PRKAG2: variants seen among roughly 807,000 people sequenced by gnomAD.
PRKAG2 encodes protein kinase AMP-activated non-catalytic subunit gamma 2.
In PRKAG2, 26 loss-of-function variants were observed where a neutral mutation model predicts 69.6. The ratio of observed to expected loss-of-function variants is 0.37; its 90% CI spans 0.27 to 0.52. PRKAG2 has a LOEUF of 0.52. PRKAG2 is among the 20% of genes least tolerant of loss of function. PRKAG2 has a pLI of 0.90. For synonymous variants in PRKAG2, 293 were observed against 285.0 expected (o/e 1.03, Z -0.28); for missense variants, 557 against 740.0 (o/e 0.75, Z 2.87).
At position 151,712,027 on chromosome 7, in the gene PRKAG2, G is replaced by A. The variant is rs552996784; in HGVS notation, c.467-36390C>T. Among the ~76,000 whole-genome samples, 3 of 152,348 alleles carry A rather than the reference G, an allele frequency of 2.0e-5. No individual in the cohort carries two copies. The East Asian group carries it at 5.8e-4, about 29-fold the overall frequency. ...GGGCTGTGTCTCGGGTGATGGAGGAGGTGTACAGATCCCATGTCAGGGTGT... is the reference window on the plus strand; with the variant it reads ...GGGCTGTGTCTCGGGTGATGGAGGAAGTGTACAGATCCCATGTCAGGGTGT... On this transcript the variant is annotated intron_variant, in intron 3 of 15. Coordinates refer to ENST00000287878, the MANE Select transcript of PRKAG2 (RefSeq NM_016203.4).
chr7:151,563,984 C>T (rs757821790), intron 14 of PRKAG2, 94 bp downstream of exon 14: 20 of 1,574,282 alleles, frequency 1.3e-5, no homozygotes, highest in Non-Finnish European at 1.7e-5. Flanking sequence ...CTCGCTGGGC[C>T]CTTCCTGAGA....
intron 3 of PRKAG2, among the ~76,000 whole-genome samples, chr7:151,779,689 A>C (rs1319058856): frequency 6.6e-6 from 1 of 152,214 alleles, no homozygotes; most frequent in Non-Finnish European, 1.5e-5. Context: ...GAGCCCTTGA[A>C]GGCAGGAATC....
rs1046511059 is a variant in PRKAG2 at position 151,839,370 on chromosome 7, G to A, written c.114+37137C>T. ...TCGTGCTGGTTTGCAGCTCAGAAGC[G>A]GTCCGCAGCCCCTGCCGTCCAGCCC... is the stretch of plus-strand genomic sequence containing the variant. On this transcript the variant is annotated intron_variant, in intron 1 of 15. Transcript: ENST00000287878. Among the ~76,000 whole-genome samples, 7 of 152,154 alleles carry A rather than the reference G, an allele frequency of 4.6e-5. No individual in the cohort carries two copies. In the South Asian group the frequency reaches 8.3e-4, roughly 18 times the overall value.
intron 3 of PRKAG2, among the ~76,000 whole-genome samples, chr7:151,724,721 G>A (rs983553337): frequency 5.9e-5 from 9 of 152,184 alleles, no homozygotes; most frequent in Non-Finnish European, 1.0e-4. Context: ...CGGAGCAGCC[G>A]CTTGCCCGCC....
chr7:151,757,405 C>A (rs138567489), intron 3 of PRKAG2, among the ~76,000 whole-genome samples: 3 of 152,324 alleles, frequency 2.0e-5, no homozygotes, highest in African/African-American at 7.2e-5. Flanking sequence ...CAGCTCCCAG[C>A]ACAGATCCTC....
At chr7:151,717,982 C>T (rs1315090210) in intron 3 of PRKAG2, among the ~76,000 whole-genome samples, 1 of 152,140 alleles carries the variant, frequency 6.6e-6, no homozygotes, top group Non-Finnish European at 1.5e-5. Flanking sequence ...CTATGCCTGA[C>T]CTTGGGAGTG....
intron 4 of PRKAG2, among the ~76,000 whole-genome samples, chr7:151,633,782 A>C (rs954063063): frequency 1.3e-5 from 2 of 152,238 alleles, no homozygotes; most frequent in African/African-American, 4.8e-5. Flanking sequence ...CTGAGCTGGA[A>C]GCCCCAACAT....
intron 1 of PRKAG2, 34 bp downstream of exon 1, chr7:151,876,473 G>A (rs201192542): frequency 1.9e-6 from 3 of 1,576,300 alleles, no homozygotes; most frequent in East Asian, 2.2e-5. Flanking sequence ...CGACAGGAGG[G>A]CTGGGGAGCA....
At position 151,777,523 on chromosome 7, in the gene PRKAG2, C is replaced by T. The variant is rs1405300140; in HGVS notation, c.466+3629G>A. ...TGCTTTAAAGACTCCAGTACCTCCC[C>T]CCTCTCTCTTGCTCCCTTGCGTGTG... On this transcript the variant is annotated intron_variant, in intron 3 of 15. Transcript: ENST00000287878. The surrounding 1 kb of genome is among the most constrained non-coding windows in gnomAD (Gnocchi z 4.3). 3.9e-5 allele frequency among the ~76,000 whole-genome samples: 6 copies of T among 152,156 alleles called. No homozygotes were observed. The highest frequency in any genetic ancestry group is 6.5e-5 in the Admixed American group (1 of 15,282).
chr7:151,712,246 G>A (rs540732936), intron 3 of PRKAG2, among the ~76,000 whole-genome samples: 220 of 152,288 alleles, frequency 1.4e-3, no homozygotes, highest in Admixed American at 4.3e-3. Flanking sequence ...ACAATGGGAC[G>A]GGCTCAGGCT....
chr7:151,617,438 C>T (rs1306926668), intron 5 of PRKAG2, among the ~76,000 whole-genome samples: 1 of 151,954 alleles, frequency 6.6e-6, no homozygotes, highest in Non-Finnish European at 1.5e-5. Flanking sequence ...GGAATTGATG[C>T]ATTGAAGGTG....
chr7:151,622,263 G>C (rs1563279101), intron 5 of PRKAG2, among the ~76,000 whole-genome samples: 1 of 152,200 alleles, frequency 6.6e-6, no homozygotes, highest in Non-Finnish European at 1.5e-5. Flanking sequence ...AACTCACAAT[G>C]AAACACTGGA....
chr7:151,856,522 A>G (rs1176442694), intron 1 of PRKAG2, among the ~76,000 whole-genome samples: 1 of 152,244 alleles, frequency 6.6e-6, no homozygotes, highest in Non-Finnish European at 1.5e-5. Flanking sequence ...ACCGGGTTCA[A>G]TTGGCCTCGC....
At chr7:151,730,943 T>C (rs1423027942) in intron 3 of PRKAG2, among the ~76,000 whole-genome samples, 8 of 152,164 alleles carry the variant, frequency 5.3e-5, no homozygotes, top group African/African-American at 1.9e-4. Flanking sequence ...TCTCCGGTCT[T>C]ACTGGGACCC....
At chr7:151,604,964 A>AT (rs1207111418) in intron 5 of PRKAG2, among the ~76,000 whole-genome samples, 1 of 152,188 alleles carries the variant, frequency 6.6e-6, no homozygotes, top group Non-Finnish European at 1.5e-5. Context: ...GATCTACGAC[A>AT]TTTTTTAAAA....
At chr7:151,573,804 A>G (rs984830031) in intron 8 of PRKAG2, among the ~76,000 whole-genome samples, 1 of 152,068 alleles carries the variant, frequency 6.6e-6, no homozygotes, top group Non-Finnish European at 1.5e-5. Flanking sequence ...TCGGAGACAG[A>G]GTCTCCCTCT....
At chr7:151,722,029 T>C (rs1471101605) in intron 3 of PRKAG2, among the ~76,000 whole-genome samples, 2 of 152,174 alleles carry the variant, frequency 1.3e-5, no homozygotes, top group Non-Finnish European at 1.5e-5. Flanking sequence ...TGGCATTCTG[T>C]CTTGTGGGTG....
At position 151,781,677 on chromosome 7, in the gene PRKAG2, C is replaced by G. The variant is rs1209405434; in HGVS notation, c.187-246G>C. ...TGGAGGTCCACTGACCATCCTGTCC[C>G]ACTCCTTAGAAGGGGCTTCCAGGAG... On this transcript the variant is annotated intron_variant, in intron 2 of 15. Coordinates refer to ENST00000287878, the MANE Select transcript of PRKAG2 (RefSeq NM_016203.4). The surrounding 1 kb of genome is among the most constrained non-coding windows in gnomAD (Gnocchi z 6.1). Among the ~76,000 whole-genome samples the G allele has an allele frequency of 6.6e-6, 1 of 152,182 alleles. No individual in the cohort carries two copies. Among genetic ancestry groups the G allele is most frequent in the African/African-American group, 2.4e-5 (1 of 41,444 alleles).
intron 3 of PRKAG2, among the ~76,000 whole-genome samples, chr7:151,688,041 G>GC (rs1835012479): frequency 2.5e-5 from 3 of 120,152 alleles, no homozygotes; most frequent in Admixed American, 1.7e-4. Context: ...GAGGAAATGA[G>GC]GCCCCCCCCC....
Sources: gnomAD v4.1 joint callset for allele counts (sites outside exome capture counted in the v4.1 genomes callset) on GRCh38, gnomAD v4.1.1 for gene constraint, Gnocchi (gnomAD v3.1) non-coding constraint, MANE v1.5 for transcripts, NCBI Gene and HGNC (gene_info 2026-07-23, HGNC 2026-07-21) for gene names.